KIRREL1: variants seen among roughly 807,000 people sequenced by gnomAD.
The protein encoded by KIRREL1 is kin of IRRE-like protein 1.
A neutral mutation model predicts 83.3 loss-of-function variants in KIRREL1; 25 were observed. That is an observed-to-expected ratio of 0.30 (90% CI 0.22 to 0.42). The LOEUF is 0.42. Ranked by LOEUF, KIRREL1 falls within the 10% of genes least tolerant of loss-of-function variation. The pLI is 1.00. For missense variants in KIRREL1, 812 were observed against 1,032.3 expected, an observed-to-expected ratio of 0.79 and a Z score of 2.92; for synonymous variants, 388 against 410.4, an observed-to-expected ratio of 0.95 and a Z score of 0.66.
chr1:158,086,710 A>C lies in KIRREL1; in HGVS notation c.625A>C (p.Ser209Arg). 3.9e-6 allele frequency: 6 copies of C among 1,551,342 alleles called. No individual in the cohort carries two copies. Among genetic ancestry groups the C allele is most frequent in the Non-Finnish European group, 5.2e-6 (6 of 1,146,926 alleles). ...CCGAAGCATGAACGAAGCCATCCCT[A>C]GTGGCAAGGAGACTTCCATCGAGCT... The part of the protein sequence containing the change: ...TCRSMNEAIP[S>R]GKETSIELDV... The change falls in exon 5 of 15, where the codon AGT (serine) becomes CGT (arginine). Residue 209 changes from serine to arginine, a missense_variant. Transcript: ENST00000359209.
At chr1:158,049,820 G>A (rs3892184) in intron 1 of KIRREL1, among the ~76,000 whole-genome samples, 6,925 of 152,128 alleles carry the variant, frequency 0.046, 496 homozygotes, top group African/African-American at 0.16. Context: ...TCTGGGATGA[G>A]CCCCAGGTTT....
At chr1:158,047,453 G>A (rs761211019) in intron 1 of KIRREL1, among the ~76,000 whole-genome samples, 2 of 152,138 alleles carry the variant, frequency 1.3e-5, no homozygotes, top group Non-Finnish European at 2.9e-5. Flanking sequence ...TCCACCTTCT[G>A]ATAACCGAGA....
At chr1:158,040,483 A>C (rs17453741) in intron 1 of KIRREL1, among the ~76,000 whole-genome samples, 14,313 of 152,312 alleles carry the variant, frequency 0.094, 838 homozygotes, top group Middle Eastern at 0.13. Context: ...TCTATCTTCC[A>C]AGATTGTTGT....
chr1:157,995,211 G>C (rs1659162108), intron 1 of KIRREL1, among the ~76,000 whole-genome samples: 2 of 152,190 alleles, frequency 1.3e-5, no homozygotes, highest in African/African-American at 4.8e-5. Flanking sequence ...CAGTTCCGAA[G>C]GCAAAGCCTG....
chr1:158,092,896 A>C (rs559913023), intron 11 of KIRREL1, among the ~76,000 whole-genome samples: 1 of 152,222 alleles, frequency 6.6e-6, no homozygotes, highest in Non-Finnish European at 1.5e-5. Context: ...ATAGGTGAAC[A>C]TTCGGCAGTC....
chr1:158,086,953 C>T (rs1662035655), intron 5 of KIRREL1, among the ~76,000 whole-genome samples: 1 of 152,036 alleles, frequency 6.6e-6, no homozygotes, highest in South Asian at 2.1e-4. Flanking sequence ...TCAGGCAGTC[C>T]CCAGGTCTAA....
At chr1:158,063,295 T>C (rs925169877) in intron 1 of KIRREL1, among the ~76,000 whole-genome samples, 1 of 152,138 alleles carries the variant, frequency 6.6e-6, no homozygotes, top group Non-Finnish European at 1.5e-5. Flanking sequence ...AAGAAAAAAA[T>C]GCAATGTATT....
At chr1:158,037,771 G>T (rs1375831202) in intron 1 of KIRREL1, among the ~76,000 whole-genome samples, 1 of 152,114 alleles carries the variant, frequency 6.6e-6, no homozygotes, top group Non-Finnish European at 1.5e-5. Flanking sequence ...GCCTCACTTT[G>T]GGGTTTCCAG....
At chr1:157,995,207 C>T (rs1296364073) in intron 1 of KIRREL1, among the ~76,000 whole-genome samples, 5 of 152,166 alleles carry the variant, frequency 3.3e-5, no homozygotes, top group African/African-American at 1.2e-4. Flanking sequence ...TTCCCAGTTC[C>T]GAAGGCAAAG....
At chr1:158,038,883 G>C (rs1273417168) in intron 1 of KIRREL1, among the ~76,000 whole-genome samples, 1 of 152,206 alleles carries the variant, frequency 6.6e-6, no homozygotes, top group Admixed American at 6.5e-5. Context: ...GCTCCAGAGG[G>C]CTAAACGAGG....
intron 1 of KIRREL1, 52 bp from the exon 2 acceptor site, chr1:158,076,061 G>A: frequency 6.4e-7 from 1 of 1,553,622 alleles, no homozygotes; most frequent in South Asian, 1.2e-5. Context: ...GGACCTCTTA[G>A]AGGAGCCCCT....
At chr1:158,034,269 C>CAA (rs750353894) in intron 1 of KIRREL1, among the ~76,000 whole-genome samples, 6,186 of 113,128 alleles carry the variant, frequency 0.055, 225 homozygotes, top group Non-Finnish European at 0.07. Context: ...GACTCCGTCT[C>CAA]AAAAAAAAAA....
At chr1:158,093,482 C>G (rs749286339) in intron 12 of KIRREL1, 36 bp downstream of exon 12, 1 of 1,607,152 alleles carries the variant, frequency 6.2e-7, no homozygotes, top group Admixed American at 1.7e-5. Context: ...CAGCCTTCCC[C>G]TGGCTCTTCC....
At chr1:158,023,058 A>G (rs565908806) in intron 1 of KIRREL1, among the ~76,000 whole-genome samples, 178 of 152,354 alleles carry the variant, frequency 1.2e-3, no homozygotes, top group Non-Finnish European at 1.9e-3. Flanking sequence ...GGCTGCAGCC[A>G]TGAAGCAGGC....
At chr1:158,059,918 G>A (rs1661164905) in intron 1 of KIRREL1, among the ~76,000 whole-genome samples, 1 of 152,146 alleles carries the variant, frequency 6.6e-6, no homozygotes. Flanking sequence ...TAGTGTTGAG[G>A]TGGACATTGG....
At chr1:158,084,321 C>A in intron 3 of KIRREL1, 101 bp from the exon 4 acceptor site, 1 of 1,174,962 alleles carries the variant, frequency 8.5e-7, no homozygotes, top group Non-Finnish European at 1.2e-6. Context: ...TACCTAGAGG[C>A]GCACATGCAG....
intron 4 of KIRREL1, 66 bp downstream of exon 4, chr1:158,084,645 G>A (rs137956964): frequency 9.9e-4 from 1,494 of 1,505,442 alleles, no homozygotes; most frequent in Admixed American, 1.3e-3. Flanking sequence ...CTTTCCCACA[G>A]GGGTTTCACC....
chr1:158,053,424 A>C (rs1660960171), intron 1 of KIRREL1, among the ~76,000 whole-genome samples: 1 of 152,208 alleles, frequency 6.6e-6, no homozygotes. Context: ...AAGTGTATTT[A>C]AGGGGATTAT....
chr1:158,010,809 C>A (rs1044962147), intron 1 of KIRREL1, among the ~76,000 whole-genome samples: 1 of 152,050 alleles, frequency 6.6e-6, no homozygotes, highest in African/African-American at 2.4e-5. Flanking sequence ...TACTGGGAAT[C>A]ATTTCAGAGC....
Sources: gnomAD v4.1 joint callset for allele counts (sites outside exome capture counted in the v4.1 genomes callset) on GRCh38, gnomAD v4.1.1 for gene constraint, MANE v1.5 for transcripts, NCBI Gene and HGNC (gene_info 2026-07-23, HGNC 2026-07-21) for gene names.